Variants in CDH13 observed in about 807,000 individuals in gnomAD.
CDH13 encodes cadherin 13.
CDH13 carries 24 observed loss-of-function variants against 63.8 expected under a neutral mutation model. The ratio of observed to expected loss-of-function variants is 0.38; its 90% confidence interval spans 0.27 to 0.53. CDH13 has a LOEUF of 0.53. Ranked by LOEUF, CDH13 falls within the 20% of genes least tolerant of loss-of-function variation. The pLI, the probability that CDH13 is intolerant of heterozygous loss-of-function variation, is 0.85. For missense variants in CDH13, 1,049 were observed against 903.1 expected, an observed-to-expected ratio of 1.16 and a Z score of -2.07; for synonymous variants, 503 against 355.3, an observed-to-expected ratio of 1.42 and a Z score of -4.67.
chr16:83,727,949 T>C (rs186932668), intron 10 of CDH13, among the ~76,000 whole-genome samples: 5 of 152,222 alleles, frequency 3.3e-5, no homozygotes, highest in East Asian at 3.9e-4. Flanking sequence ...GTTTGACTGA[T>C]GGATTTGGAG....
At position 82,872,463 on chromosome 16, in the gene CDH13, G is replaced by A. The variant is rs150539998; in HGVS notation, c.157+13990G>A. Reference sequence around the variant, plus strand: ...TTACAGGAGCATCTCCTAATTTAAGGTATTAGAACTACATAAACTGGGCTG... The same window carrying A: ...TTACAGGAGCATCTCCTAATTTAAGATATTAGAACTACATAAACTGGGCTG... On this transcript the variant is annotated intron_variant, in intron 2 of 13. Coordinates refer to ENST00000567109, the MANE Select transcript of CDH13 (RefSeq NM_001257.5). Among the ~76,000 whole-genome samples the A allele has an allele frequency of 4.1e-3, 630 of 152,286 alleles. 4 individuals are homozygous for A. The highest frequency in any genetic ancestry group is 0.014 in the African/African-American group (578 of 41,572).
chr16:83,204,394 G>T (rs2039121267), intron 4 of CDH13, among the ~76,000 whole-genome samples: 1 of 152,208 alleles, frequency 6.6e-6, no homozygotes, highest in South Asian at 2.1e-4. Flanking sequence ...AGAATAGCAT[G>T]TGCCGGAGTC....
chr16:83,675,392 C>A (rs1357495153), intron 9 of CDH13, among the ~76,000 whole-genome samples: 1 of 152,186 alleles, frequency 6.6e-6, no homozygotes, highest in Admixed American at 6.5e-5. Context: ...CATTGTATGG[C>A]TCCCTCCCTC....
intron 2 of CDH13, among the ~76,000 whole-genome samples, chr16:82,935,276 C>T (rs956634463): frequency 6.6e-6 from 1 of 152,140 alleles, no homozygotes; most frequent in Non-Finnish European, 1.5e-5. Flanking sequence ...TGAGAACTCA[C>T]TCACTATCAT....
At chr16:82,863,233 A>C (rs2040009630) in intron 2 of CDH13, among the ~76,000 whole-genome samples, 1 of 152,196 alleles carries the variant, frequency 6.6e-6, no homozygotes. Flanking sequence ...GAAGTTAGTC[A>C]GTTTAAGCAG....
intron 3 of CDH13, among the ~76,000 whole-genome samples, chr16:83,117,369 C>A (rs1158992137): frequency 6.6e-6 from 1 of 150,604 alleles, no homozygotes; most frequent in Non-Finnish European, 1.5e-5. Flanking sequence ...CCTCCTCCTG[C>A]CCCCTTGGCC....
chr16:82,891,053 TTAA>T (rs2041063875), intron 2 of CDH13, among the ~76,000 whole-genome samples: 1 of 89,484 alleles, frequency 1.1e-5, no homozygotes. Context: ...TTTTTTTTTT[TTAA>T]GTTTTGTTGT....
intron 8 of CDH13, among the ~76,000 whole-genome samples, chr16:83,643,353 C>T (rs934253923): frequency 2.7e-5 from 4 of 150,478 alleles, no homozygotes; most frequent in African/African-American, 7.3e-5. Flanking sequence ...GGACTATGTT[C>T]TTTCCCTTCG....
intron 5 of CDH13, among the ~76,000 whole-genome samples, chr16:83,235,006 G>A (rs948995224): frequency 1.5e-4 from 23 of 152,126 alleles, no homozygotes; most frequent in African/African-American, 5.1e-4. Flanking sequence ...ATACCAGCCT[G>A]GGCAACATAG....
At chr16:82,925,406 C>T (rs2042272997) in intron 2 of CDH13, among the ~76,000 whole-genome samples, 1 of 152,196 alleles carries the variant, frequency 6.6e-6, no homozygotes, top group South Asian at 2.1e-4. Flanking sequence ...TCAGCCATGG[C>T]ATTTGTATGC....
intron 6 of CDH13, among the ~76,000 whole-genome samples, chr16:83,478,315 C>T (rs1175833254): frequency 1.3e-5 from 2 of 152,186 alleles, no homozygotes; most frequent in South Asian, 2.1e-4. Context: ...CTTGAGAGCG[C>T]TTTACTCATG....
intron 1 of CDH13, among the ~76,000 whole-genome samples, chr16:82,668,533 T>G (rs923392807): frequency 1.2e-4 from 19 of 152,212 alleles, no homozygotes; most frequent in Admixed American, 6.5e-5. Flanking sequence ...TGTTGTTGTT[T>G]CTTCCTTAAG....
chr16:82,628,073 T>A (rs1907566186), intron 1 of CDH13, among the ~76,000 whole-genome samples: 1 of 152,124 alleles, frequency 6.6e-6, no homozygotes, highest in Non-Finnish European at 1.5e-5. Context: ...TTCGGGAAGT[T>A]TGAGTGCAGG....
intron 2 of CDH13, among the ~76,000 whole-genome samples, chr16:83,017,201 C>A (rs1028062208): frequency 1.3e-5 from 2 of 152,036 alleles, no homozygotes; most frequent in Non-Finnish European, 2.9e-5. Flanking sequence ...TTTCCTTGAC[C>A]CTCTTCAGAG....
At chr16:83,794,586 A>G (rs1272272126) in intron 13 of CDH13, among the ~76,000 whole-genome samples, 1 of 151,978 alleles carries the variant, frequency 6.6e-6, no homozygotes, top group Non-Finnish European at 1.5e-5. Context: ...AAGAACCACC[A>G]ATAGGTATCT....
At chr16:83,081,989 G>A (rs956132545) in intron 3 of CDH13, among the ~76,000 whole-genome samples, 3 of 151,878 alleles carry the variant, frequency 2.0e-5, no homozygotes, top group Non-Finnish European at 2.9e-5. Flanking sequence ...TAGTAGAGAC[G>A]GGGTTTCTTC....
Position 83,532,601 on chromosome 16 carries a change from G to T in CDH13, c.960+45946G>T, listed in dbSNP as rs558232153. 1.2e-4 allele frequency among the ~76,000 whole-genome samples: 19 copies of T among 152,332 alleles called. 1 individual carries two copies. The highest frequency in any genetic ancestry group is 4.6e-4 in the African/African-American group (19 of 41,580). Reference sequence around the variant, plus strand: ...ATATTTGCTGAATGAATAAATGGCTGCTTGTCTCCTCAAGTAGCCTATCAG... The same window carrying T: ...ATATTTGCTGAATGAATAAATGGCTTCTTGTCTCCTCAAGTAGCCTATCAG... On this transcript the variant is annotated intron_variant, in intron 7 of 13. Transcript: ENST00000567109.
At chr16:83,129,065 C>A (rs980249194) in intron 4 of CDH13, among the ~76,000 whole-genome samples, 4 of 152,154 alleles carry the variant, frequency 2.6e-5, no homozygotes, top group African/African-American at 9.7e-5. Flanking sequence ...ATCTGTCTTA[C>A]TCTTTATATC....
At chr16:82,971,323 C>A (rs142776385) in intron 2 of CDH13, among the ~76,000 whole-genome samples, 19 of 152,298 alleles carry the variant, frequency 1.2e-4, no homozygotes, top group African/African-American at 4.6e-4. Context: ...CACTCTCATT[C>A]CTGTTCTCTT....
Sources: gnomAD v4.1 joint callset for allele counts (sites outside exome capture counted in the v4.1 genomes callset) on GRCh38, gnomAD v4.1.1 for gene constraint, MANE v1.5 for transcripts, NCBI Gene and HGNC (gene_info 2026-07-23, HGNC 2026-07-21) for gene names.